The following ENTREP2 variants were observed in gnomAD, a reference collection of about 807,000 sequenced individuals.
ENTREP2 encodes protein ENTREP2.
At chr15:29,315,016 C>A in the ENTREP2 span, among the ~76,000 whole-genome samples, 1 of 152,182 alleles carries the variant, frequency 6.6e-6, no homozygotes, top group African/African-American at 2.4e-5. Flanking sequence ...CGTGCCACTG[C>A]ACTCCAGCCT....
the ENTREP2 span, among the ~76,000 whole-genome samples, chr15:29,629,632 G>A: frequency 6.6e-6 from 1 of 152,036 alleles, no homozygotes; most frequent in Non-Finnish European, 1.5e-5. Context: ...TATATACACT[G>A]AGTACCATAC....
chr15:29,483,728 G>C, the ENTREP2 span, among the ~76,000 whole-genome samples: 1 of 152,166 alleles, frequency 6.6e-6, no homozygotes, highest in Non-Finnish European at 1.5e-5. Flanking sequence ...TAATTTGGTT[G>C]ATCTCCTTCG....
chr15:29,656,966 T>G, the ENTREP2 span, among the ~76,000 whole-genome samples: 1 of 152,252 alleles, frequency 6.6e-6, no homozygotes, highest in Non-Finnish European at 1.5e-5. Context: ...ACCTTGTGAT[T>G]ATGTGTCTGC....
chr15:29,667,762 CT>C, the ENTREP2 span, among the ~76,000 whole-genome samples: 6 of 152,270 alleles, frequency 3.9e-5, no homozygotes, highest in African/African-American at 1.2e-4. Flanking sequence ...TCCCAAAGTG[CT>C]GGGATTATAG....
At chr15:29,367,032 G>A in the ENTREP2 span, among the ~76,000 whole-genome samples, 2 of 152,160 alleles carry the variant, frequency 1.3e-5, no homozygotes, top group African/African-American at 4.8e-5. Context: ...TCCTCCATAA[G>A]AGGAAAAAAT....
At chr15:29,627,540 TAAAAAAA>T in the ENTREP2 span, among the ~76,000 whole-genome samples, 129 of 120,204 alleles carry the variant, frequency 1.1e-3, no homozygotes, top group Middle Eastern at 8.7e-3. Context: ...AGACTCCATC[TAAAAAAA>T]AAAAAAAAAA....
the ENTREP2 span, among the ~76,000 whole-genome samples, chr15:29,658,662 TCTA>T: frequency 0.046 from 6,973 of 152,056 alleles, 190 homozygotes; most frequent in South Asian, 0.089. Context: ...AAAAAAACAA[TCTA>T]CTCAATACAA....
chr15:29,631,170 G>T, the ENTREP2 span, among the ~76,000 whole-genome samples: 1 of 152,120 alleles, frequency 6.6e-6, no homozygotes, highest in Non-Finnish European at 1.5e-5. Flanking sequence ...ACTTGTTTCA[G>T]GAGTATTTGT....
At chr15:29,358,374 A>G in the ENTREP2 span, among the ~76,000 whole-genome samples, 38 of 152,374 alleles carry the variant, frequency 2.5e-4, no homozygotes, top group Non-Finnish European at 5.1e-4. Flanking sequence ...TTCAAAAGCA[A>G]AAGTAAGCAG....
chr15:29,646,876 ATCAC>A, the ENTREP2 span, among the ~76,000 whole-genome samples: 15 of 152,280 alleles, frequency 9.9e-5, no homozygotes, highest in African/African-American at 1.9e-4. Context: ...CAATAAAACA[ATCAC>A]TCACTCAGAG....
At chr15:29,259,070 A>G in the ENTREP2 span, among the ~76,000 whole-genome samples, 1 of 152,218 alleles carries the variant, frequency 6.6e-6, no homozygotes, top group South Asian at 2.1e-4. Flanking sequence ...CCAGAGGGAT[A>G]ATCTGATAAA....
the ENTREP2 span, among the ~76,000 whole-genome samples, chr15:29,362,904 C>G: frequency 6.6e-6 from 1 of 152,026 alleles, no homozygotes; most frequent in Non-Finnish European, 1.5e-5. Context: ...ATACTTTAGT[C>G]TGTTTCAGTC....
the ENTREP2 span, among the ~76,000 whole-genome samples, chr15:29,489,621 G>A: frequency 6.6e-6 from 1 of 152,170 alleles, no homozygotes; most frequent in Admixed American, 6.5e-5. Context: ...CAATAAATAA[G>A]AACATATGTA....
chr15:29,451,283 G>A, the ENTREP2 span, among the ~76,000 whole-genome samples: 32 of 152,204 alleles, frequency 2.1e-4, no homozygotes, highest in Middle Eastern at 3.4e-3. Flanking sequence ...GCCGGCCCTC[G>A]GCCCTCGGCC....
chr15:29,162,386 C>T, the ENTREP2 span, among the ~76,000 whole-genome samples: 3 of 152,162 alleles, frequency 2.0e-5, no homozygotes, highest in African/African-American at 7.2e-5. Flanking sequence ...CTTTCTTTTG[C>T]AGCTGGGAGG....
chr15:29,584,104 T>C, the ENTREP2 span, among the ~76,000 whole-genome samples: 2 of 152,240 alleles, frequency 1.3e-5, no homozygotes, highest in East Asian at 3.9e-4. Flanking sequence ...AATGCACAGA[T>C]AGGGAGAAAA....
At chr15:29,529,540 T>C in the ENTREP2 span, among the ~76,000 whole-genome samples, 2 of 151,946 alleles carry the variant, frequency 1.3e-5, no homozygotes, top group African/African-American at 2.4e-5. Context: ...GGAACTGGGC[T>C]CTAGGCTGGC....
the ENTREP2 span, among the ~76,000 whole-genome samples, chr15:29,135,919 T>C: frequency 0.018 from 2,707 of 151,640 alleles, 52 homozygotes; most frequent in African/African-American, 0.05. This position sits in a 1 kb window ranked among gnomAD's most constrained non-coding sequence, Gnocchi z 7.4. Flanking sequence ...ACTCGGTCCA[T>C]GGACCCAGCT....
the ENTREP2 span, among the ~76,000 whole-genome samples, chr15:29,543,596 T>A: frequency 6.6e-6 from 1 of 152,130 alleles, no homozygotes; most frequent in African/African-American, 2.4e-5. Context: ...CTGGCCAACA[T>A]GGCAAAACCC....
Sources: gnomAD v4.1 joint callset for allele counts (sites outside exome capture counted in the v4.1 genomes callset) on GRCh38, gnomAD v4.1.1 for gene constraint, Gnocchi (gnomAD v3.1) non-coding constraint, MANE v1.5 for transcripts, NCBI Gene and HGNC (gene_info 2026-07-23, HGNC 2026-07-21) for gene names.